NAV2: variants seen among roughly 807,000 people sequenced by gnomAD.
The protein encoded by NAV2 is helicase, APC down-regulated 1.
Under a neutral mutation model 223.2 loss-of-function variants are expected in NAV2, and 54 were observed. The ratio of observed to expected loss-of-function variants is 0.24; its 90% CI spans 0.19 to 0.30. The LOEUF is 0.30. Among genes scored for constraint, NAV2 ranks in the 10% least tolerant of loss-of-function variants. The pLI, the probability that NAV2 is intolerant of heterozygous loss-of-function variation, is 1.00. For synonymous variants in NAV2, 1,279 were observed against 1,239.3 expected (o/e 1.03, Z -0.67); for missense variants, 2,806 against 3,147.5 (o/e 0.89, Z 2.60).
In NAV2 at chr11:19,703,303, C is replaced by G. The variant is rs115794266; in HGVS notation, c.76-129181C>G. On this transcript the variant is annotated intron_variant, in intron 1 of 37. Transcript: ENST00000360655. ...TAAACCCTGGGCACTGGGCCTCTTC[C>G]TGGAGGTCAGACATTGACCAGCAGC... 3.9e-3 allele frequency among the ~76,000 whole-genome samples: 591 copies of G among 152,318 alleles called. 4 individuals are homozygous for G. Among genetic ancestry groups the G allele is most frequent in the African/African-American group, 0.014 (572 of 41,560 alleles).
chr11:19,466,984 TACACA>T (rs1308194177), intron 1 of NAV2, among the ~76,000 whole-genome samples: 2 of 125,142 alleles, frequency 1.6e-5, no homozygotes, highest in African/African-American at 3.1e-5. Context: ...TCTCTCTCTC[TACACA>T]CACACACACA....
intron 1 of NAV2, among the ~76,000 whole-genome samples, chr11:19,634,002 C>T (rs1368973126): frequency 6.6e-6 from 1 of 152,208 alleles, no homozygotes; most frequent in Admixed American, 6.5e-5. Flanking sequence ...ACAGGAAATA[C>T]TTCATAAAGG....
chr11:19,710,323 T>C (rs1191604291), upstream of NAV2, among the ~76,000 whole-genome samples: 1 of 152,204 alleles, frequency 6.6e-6, no homozygotes, highest in Admixed American at 6.5e-5. Flanking sequence ...ACATGAGAAC[T>C]TACTCGGAAA....
intron 1 of NAV2, among the ~76,000 whole-genome samples, chr11:19,416,501 G>T (rs779772822): frequency 7.2e-5 from 11 of 152,138 alleles, no homozygotes; most frequent in Non-Finnish European, 1.6e-4. Context: ...AATCAATATT[G>T]TTAAAATGGC....
At chr11:19,744,268 G>A (rs2053138168) in intron 1 of NAV2, among the ~76,000 whole-genome samples, 1 of 152,170 alleles carries the variant, frequency 6.6e-6, no homozygotes, top group Non-Finnish European at 1.5e-5. Context: ...TCCTAGGGAT[G>A]AGTTGCAGGC....
chr11:19,357,981 A>C (rs1348963644), intron 1 of NAV2, among the ~76,000 whole-genome samples: 2 of 152,128 alleles, frequency 1.3e-5, no homozygotes, highest in Non-Finnish European at 2.9e-5. Flanking sequence ...AGGAAAAAAA[A>C]CCTGGTTACC....
chr11:19,475,200 T>C (rs1295884273), intron 1 of NAV2, among the ~76,000 whole-genome samples: 1 of 152,224 alleles, frequency 6.6e-6, no homozygotes. Context: ...CTTTCTGATA[T>C]ATGAGCAACG....
At chr11:20,038,154 G>C (rs189725250) in intron 12 of NAV2, among the ~76,000 whole-genome samples, 1 of 152,124 alleles carries the variant, frequency 6.6e-6, no homozygotes, top group African/African-American at 2.4e-5. Context: ...TAAACAACTC[G>C]GATTTGTACA....
intron 1 of NAV2, among the ~76,000 whole-genome samples, chr11:19,668,752 C>T (rs1234603561): frequency 6.6e-6 from 1 of 151,800 alleles, no homozygotes; most frequent in East Asian, 1.9e-4. Context: ...TCTGTGGCTG[C>T]TGAGAATTCA....
chr11:19,703,421 G>A (rs1217256309), intron 1 of NAV2, among the ~76,000 whole-genome samples: 1 of 152,222 alleles, frequency 6.6e-6, no homozygotes, highest in Non-Finnish European at 1.5e-5. Flanking sequence ...GTAACCAAAA[G>A]AGGAAATGTG....
In NAV2 at chr11:19,998,211, CCAAA is replaced by C. The variant is rs953261765; in HGVS notation, c.2768+13967_2768+13970del. 4.7e-4 allele frequency among the ~76,000 whole-genome samples: 72 copies of C among 152,142 alleles called. No individual in the cohort carries two copies. Among genetic ancestry groups the C allele is most frequent in the Non-Finnish European group, 8.1e-4 (55 of 67,986 alleles). On this transcript the variant is annotated intron_variant, in intron 11 of 37. Coordinates refer to ENST00000349880, the MANE Select transcript of NAV2 (RefSeq NM_145117.5). The surrounding 1 kb of genome is among the most constrained non-coding windows in gnomAD (Gnocchi z 5.0). ...TTTCCTTCCAGTCGGCAAACTCCCC[CCAAA>C]CAGTTTCAAATCTCTCAGCTTCTCT...
chr11:20,082,395 C>CT (rs2060145916), intron 25 of NAV2, among the ~76,000 whole-genome samples: 1 of 152,176 alleles, frequency 6.6e-6, no homozygotes, highest in African/African-American at 2.4e-5. Flanking sequence ...TATTCCCTTC[C>CT]TTTCAGAAGG....
chr11:19,768,324 C>T (rs1258213549), intron 1 of NAV2, among the ~76,000 whole-genome samples: 3 of 152,180 alleles, frequency 2.0e-5, no homozygotes, highest in Admixed American at 1.3e-4. Flanking sequence ...TCCCCCTTCA[C>T]AGCAGCAGAG....
intron 1 of NAV2, among the ~76,000 whole-genome samples, chr11:19,467,956 G>C (rs1192408145): frequency 2.0e-5 from 3 of 152,210 alleles, no homozygotes; most frequent in Non-Finnish European, 2.9e-5. Context: ...AGGCCACATG[G>C]GTGAGAATCA....
chr11:19,475,932 T>G (rs992882600), intron 1 of NAV2, among the ~76,000 whole-genome samples: 1 of 152,242 alleles, frequency 6.6e-6, no homozygotes, highest in Admixed American at 6.5e-5. Context: ...GTCTTCACCA[T>G]GACCTTTCTG....
At position 19,500,638 on chromosome 11, in the gene NAV2, G is replaced by C. The variant is rs16936830; in HGVS notation, c.75+149611G>C. Among the ~76,000 whole-genome samples the C allele has an allele frequency of 6.7e-3, 1,024 of 152,118 alleles. 6 individuals are homozygous for C. Among genetic ancestry groups the C allele is most frequent in the African/African-American group, 0.024 (977 of 41,488 alleles). ...CTAGAAAATTCCAGCCATCCCTCGT[G>C]GGCTATCCCTTGAACAGAGTATAAT... On this transcript the variant is annotated intron_variant, in intron 1 of 37. Coordinates refer to the NAV2 transcript ENST00000360655.
At chr11:19,501,324 T>C (rs1210760180) in intron 1 of NAV2, among the ~76,000 whole-genome samples, 5 of 152,188 alleles carry the variant, frequency 3.3e-5, no homozygotes, top group Non-Finnish European at 7.3e-5. Context: ...GGTGTGGTTA[T>C]CTTTGCAGGA....
chr11:19,623,955 G>A (rs1007278168), intron 1 of NAV2, among the ~76,000 whole-genome samples: 8 of 152,164 alleles, frequency 5.3e-5, no homozygotes, highest in Non-Finnish European at 1.0e-4. Context: ...TGGTGTGGAT[G>A]TCCTTTCTGT....
At chr11:19,530,693 T>G (rs1305743168) in intron 1 of NAV2, among the ~76,000 whole-genome samples, 1 of 152,208 alleles carries the variant, frequency 6.6e-6, no homozygotes, top group Non-Finnish European at 1.5e-5. Flanking sequence ...ATGTAGAGGT[T>G]GGAACAACAG....
Sources: gnomAD v4.1 joint callset for allele counts (sites outside exome capture counted in the v4.1 genomes callset) on GRCh38, gnomAD v4.1.1 for gene constraint, Gnocchi (gnomAD v3.1) non-coding constraint, MANE v1.5 for transcripts, NCBI Gene and HGNC (gene_info 2026-07-23, HGNC 2026-07-21) for gene names.